HECTD4: variants seen among roughly 807,000 people sequenced by gnomAD.
HECTD4 encodes HECT domain E3 ubiquitin protein ligase 4.
Under a neutral mutation model 471.5 loss-of-function variants are expected in HECTD4, and 114 were observed. The ratio of observed to expected loss-of-function variants is 0.24; its 90% CI spans 0.21 to 0.28. The LOEUF is 0.28. Ranked by LOEUF, HECTD4 falls within the 10% of genes least tolerant of loss-of-function variation. The pLI, the probability that HECTD4 is intolerant of heterozygous loss-of-function variation, is 1.00. For missense variants in HECTD4, 3,866 were observed against 5,651.5 expected (o/e 0.68, Z 10.13); for synonymous variants, 2,012 against 2,256.0 (o/e 0.89, Z 3.07).
chr12:112,242,187 T>C (rs2033656386), intron 32 of HECTD4, among the ~76,000 whole-genome samples: 1 of 152,194 alleles, frequency 6.6e-6, no homozygotes, highest in Non-Finnish European at 1.5e-5. Context: ...AGAAGGAGGT[T>C]GTTAATGCAA....
intron 8 of HECTD4, among the ~76,000 whole-genome samples, chr12:112,282,210 C>T (rs1026674295): frequency 1.3e-4 from 20 of 151,998 alleles, no homozygotes; most frequent in South Asian, 6.2e-4. Context: ...GGTGAAACCC[C>T]GTCTCTACTA....
chr12:112,283,053 A>C, intron 8 of HECTD4, 57 bp downstream of exon 8: 1 of 1,399,066 alleles, frequency 7.1e-7, no homozygotes, highest in Admixed American at 2.0e-5. Flanking sequence ...GCTCAATAAG[A>C]CGTAGCTGAA....
chr12:112,282,382 C>G (rs1199730518), intron 8 of HECTD4, among the ~76,000 whole-genome samples: 5 of 150,316 alleles, frequency 3.3e-5, no homozygotes, highest in Admixed American at 3.3e-4. Flanking sequence ...GACTCCATCT[C>G]AAAAAACAAA....
intron 6 of HECTD4, among the ~76,000 whole-genome samples, chr12:112,306,598 A>G (rs1386270939): frequency 6.6e-6 from 1 of 152,174 alleles, no homozygotes; most frequent in African/African-American, 2.4e-5. Flanking sequence ...CACTTTCTGA[A>G]ATTTCTTTAG....
intron 1 of HECTD4, among the ~76,000 whole-genome samples, chr12:112,378,467 G>A (rs1054015483): frequency 1.3e-5 from 2 of 151,500 alleles, no homozygotes; most frequent in Non-Finnish European, 1.5e-5. Flanking sequence ...CTTGTGATTC[G>A]CCCGTCTTGG....
intron 39 of HECTD4, 114 bp from the exon 40 acceptor site, chr12:112,230,936 T>C: frequency 3.3e-6 from 3 of 921,804 alleles, no homozygotes; most frequent in South Asian, 3.6e-5. Flanking sequence ...CAAGAAAAAG[T>C]GGATTCCATT....
Position 112,190,794 on chromosome 12 carries a change from T to G in HECTD4, c.9464A>C (p.Glu3155Ala). 1 of 1,581,264 alleles carries G rather than the reference T, an allele frequency of 6.3e-7. No homozygotes were observed. The highest frequency in any genetic ancestry group is 8.6e-7 in the Non-Finnish European group (1 of 1,163,346). ...AGGGAAGGCAGCCTCACCTAGCAGC[T>G]CCACCACCTGCAGGAGGACGGATGT... ...IPTSVLLQVV[E>A]LLGNFLWTTD... The change falls in exon 60 of 76, where the codon GAG becomes GCG. Residue 3155 changes from glutamate (E) to alanine (A), a missense_variant. By Grantham distance (107) the Glu-to-Ala change is moderately radical. Transcript: ENST00000682272.
rs112054181 is a variant in HECTD4, at chr12:112,225,419, T to C, written c.6970+1224A>G. On this transcript the variant is annotated intron_variant, in intron 44 of 75. Transcript: ENST00000682272. ...CATGTAGTTTGTGAAAATGTTAGCATTGGAGGAATGTTAATTGAATTGTGA... is the reference window on the plus strand; with the variant it reads ...CATGTAGTTTGTGAAAATGTTAGCACTGGAGGAATGTTAATTGAATTGTGA... Among the ~76,000 whole-genome samples, 691 of 151,854 alleles carry C rather than the reference T, an allele frequency of 4.6e-3. 5 individuals are homozygous for C. The highest frequency in any genetic ancestry group is 7.9e-3 in the Non-Finnish European group (535 of 67,964).
At chr12:112,249,413 T>C (rs567025493) in intron 25 of HECTD4, 6 of 151,666 alleles carry the variant, frequency 4.0e-5, no homozygotes, top group African/African-American at 9.7e-5. Context: ...GTTAGAGACA[T>C]ATTAGAGCTG....
At chr12:112,355,415 C>T (rs371898050) in intron 1 of HECTD4, among the ~76,000 whole-genome samples, 17 of 150,480 alleles carry the variant, frequency 1.1e-4, no homozygotes, top group South Asian at 8.4e-4. Flanking sequence ...AGGCTGATAC[C>T]GCGCCACTGC....
At position 112,250,239 on chromosome 12, in the gene HECTD4, G is replaced by A. The variant is rs544060751; in HGVS notation, c.3855C>T (p.Tyr1285=). The part of the protein sequence containing the change: ...SDVLVPPVGN[Y]FDLPRIRLPP... ...GCAGTCTGATCCGAGGCAGATCAAA[G>A]TAGTTTCCAACAGGAGGCACGAGGA... Residue 1285 remains tyrosine, a synonymous_variant, in exon 25 of 76, where the codon TAC becomes TAT. Coordinates refer to ENST00000682272, the MANE Select transcript of HECTD4 (RefSeq NM_001388303.1). 1 of 1,613,998 alleles carries A rather than the reference G, an allele frequency of 6.2e-7. No individual in the cohort carries two copies. The highest frequency in any genetic ancestry group is 1.1e-5 in the South Asian group (1 of 91,082).
intron 1 of HECTD4, among the ~76,000 whole-genome samples, chr12:112,345,320 A>G (rs570428106): frequency 6.6e-6 from 1 of 152,212 alleles, no homozygotes; most frequent in East Asian, 1.9e-4. Context: ...AAAAGAAGAA[A>G]AAAACCAGGA....
intron 72 of HECTD4, among the ~76,000 whole-genome samples, chr12:112,164,746 C>T (rs1468502931): frequency 1.3e-5 from 2 of 151,720 alleles, no homozygotes; most frequent in African/African-American, 2.4e-5. Context: ...CTCAGCCTCC[C>T]GAGTAGCTGG....
intron 1 of HECTD4, among the ~76,000 whole-genome samples, chr12:112,323,963 T>C (rs1054839342): frequency 3.1e-5 from 1 of 31,844 alleles, no homozygotes; most frequent in Non-Finnish European, 4.8e-5. Context: ...TCTTTCTTTC[T>C]TTCTTCCTTC....
intron 2 of HECTD4, among the ~76,000 whole-genome samples, chr12:112,315,054 T>C (rs992090988): frequency 6.6e-6 from 1 of 152,228 alleles, no homozygotes; most frequent in Admixed American, 6.5e-5. Context: ...TCCTTCTGTA[T>C]CCCTCTGACT....
In HECTD4 at chr12:112,194,038, G is replaced by A. The variant is rs1285423731; in HGVS notation, c.8750-364C>T. ...GGCCCACCCCCGCAGGGTACCTTAG[G>A]GCACAGCCTGTAGAGAAACTTGTTA... is the stretch of plus-strand genomic sequence containing the variant. On this transcript the variant is annotated intron_variant, in intron 56 of 75. Transcript: ENST00000682272. The surrounding 1 kb of genome is among the most constrained non-coding windows in gnomAD (Gnocchi z 4.6). Among the ~76,000 whole-genome samples, 6 of 152,202 alleles carry A rather than the reference G, an allele frequency of 3.9e-5. No homozygotes were observed. In the East Asian group the frequency reaches 1.2e-3, roughly 29 times the overall value.
rs550034728 is a variant in HECTD4 at position 112,229,996 on chromosome 12, A to G, written c.6337-116T>C. ...CCCATGTATTGAAGGAACTCTGGAC[A>G]TGTGAGGGACCAAAAAACTATCAGG... is the stretch of plus-strand genomic sequence containing the variant. On this transcript the variant is annotated intron_variant, in intron 40 of 75. Transcript: ENST00000682272. 2.7e-5 allele frequency: 26 copies of G among 949,172 alleles called. No homozygotes were observed. The African/African-American group carries it at 4.2e-4, about 15-fold the overall frequency. The allele number at this position is 949,172 out of a possible 1,614,324, so 58.8% of individuals were successfully genotyped here. A position where few individuals can be genotyped will look rare whatever the true frequency, so the allele number is the denominator to read the frequency against.
intron 46 of HECTD4, 21 bp downstream of exon 46, chr12:112,217,013 G>A (rs1380484751): frequency 6.3e-7 from 1 of 1,592,356 alleles, no homozygotes; most frequent in Non-Finnish European, 8.6e-7. Context: ...GCAAAAGACA[G>A]TGTGTCATGT....
In HECTD4 at chr12:112,167,519, G is replaced by A; in HGVS notation, c.12332C>T (p.Pro4111Leu). The change falls in exon 72 of 76, where the codon CCG (proline) becomes CTG (leucine). Residue 4111 changes from proline to leucine, a missense_variant. Pro to Leu is a moderately conservative substitution (Grantham distance 98, BLOSUM62 -3). Coordinates refer to ENST00000682272, the MANE Select transcript of HECTD4 (RefSeq NM_001388303.1). ...NKNKGKYILT[P>L]SPITYGEEQL... Reference sequence around the variant, plus strand: ...CTCCTCCCCGTAGGTGATGGGGCTCGGGGTCAGGATATACTTGCCCTGGAA... The same window carrying A: ...CTCCTCCCCGTAGGTGATGGGGCTCAGGGTCAGGATATACTTGCCCTGGAA... The A allele has an allele frequency of 1.0e-5, 16 of 1,601,280 alleles. No homozygotes were observed. Among genetic ancestry groups the A allele is most frequent in the East Asian group, 2.2e-5 (1 of 44,706 alleles).
Sources: gnomAD v4.1 joint callset for allele counts (sites outside exome capture counted in the v4.1 genomes callset) on GRCh38, gnomAD v4.1.1 for gene constraint, Gnocchi (gnomAD v3.1) non-coding constraint, MANE v1.5 for transcripts, NCBI Gene and HGNC (gene_info 2026-07-23, HGNC 2026-07-21) for gene names.